The following FHIT variants were observed in gnomAD, a reference collection of about 807,000 sequenced individuals.
FHIT encodes bis(5'-adenosyl)-triphosphatase.
In FHIT, 19 loss-of-function variants were observed where a neutral mutation model predicts 17.9. The observed-to-expected ratio is 1.06, with a 90% CI of 0.74 to 1.56. The LOEUF (loss-of-function observed/expected upper bound fraction) is 1.56, where lower values mean the gene tolerates loss of function less well. Among genes scored for constraint, FHIT ranks in the 40% most tolerant of loss-of-function variants. The pLI is 0.00. For synonymous variants in FHIT, 81 were observed against 69.7 expected (o/e 1.16, Z -0.81); for missense variants, 248 against 189.2 (o/e 1.31, Z -1.82).
intron 5 of FHIT, among the ~76,000 whole-genome samples, chr3:60,030,626 A>G (rs570506518): frequency 2.6e-5 from 4 of 152,324 alleles, no homozygotes; most frequent in Admixed American, 2.6e-4. Flanking sequence ...ATGAGGGCAG[A>G]AATCAGGAAT....
chr3:60,267,605 T>C (rs1353712899), intron 5 of FHIT, among the ~76,000 whole-genome samples: 6 of 152,200 alleles, frequency 3.9e-5, no homozygotes, highest in Admixed American at 3.9e-4. Flanking sequence ...CACTATAAAA[T>C]CCCAGTCTGA....
At chr3:60,545,069 T>C (rs1490138373) in intron 4 of FHIT, among the ~76,000 whole-genome samples, 2 of 138,918 alleles carry the variant, frequency 1.4e-5, no homozygotes, top group Admixed American at 7.7e-5. Context: ...TTGACAATCA[T>C]TACAATTTAT....
intron 2 of FHIT, among the ~76,000 whole-genome samples, chr3:61,131,545 G>A (rs1211328781): frequency 2.6e-5 from 4 of 152,220 alleles, no homozygotes; most frequent in East Asian, 1.9e-4. Context: ...AGAGGACTGC[G>A]TGGATGGGCA....
At chr3:60,953,583 C>A (rs1553777870) in intron 3 of FHIT, among the ~76,000 whole-genome samples, 2 of 152,146 alleles carry the variant, frequency 1.3e-5, no homozygotes, top group East Asian at 1.9e-4. Context: ...CTCCTTTTAT[C>A]ACGTGGTCTA....
At chr3:60,703,889 G>T (rs1403442608) in intron 4 of FHIT, among the ~76,000 whole-genome samples, 1 of 152,010 alleles carries the variant, frequency 6.6e-6, no homozygotes, top group South Asian at 2.1e-4. Flanking sequence ...GGTATTAAAT[G>T]TTTTTATTTT....
At chr3:60,579,464 CATAAAA>C (rs1355020024) in intron 4 of FHIT, among the ~76,000 whole-genome samples, 3 of 152,038 alleles carry the variant, frequency 2.0e-5, no homozygotes, top group Non-Finnish European at 2.9e-5. Context: ...ATTTCTTGAT[CATAAAA>C]ATAAAGTGTA....
rs1699849873 is a variant in FHIT, at chr3:60,360,201, A to AAAAGAGTC, written c.103+176651_103+176658dup. 3.3e-5 allele frequency among the ~76,000 whole-genome samples: 5 copies of AAAAGAGTC among 152,158 alleles called. No homozygotes were observed. In the South Asian group the frequency reaches 1.0e-3, roughly 32 times the overall value. On this transcript the variant is annotated intron_variant, in intron 5 of 9. Transcript: ENST00000492590. ...ACAATTAATCAAACTATTAAACACT[A>AAAAGAGTC]AAAGAGTCAAAGGCTGAGTATGGGT... is the stretch of plus-strand genomic sequence containing the variant.
chr3:60,118,781 G>A (rs879486213), intron 5 of FHIT, among the ~76,000 whole-genome samples: 6 of 136,768 alleles, frequency 4.4e-5, no homozygotes, highest in East Asian at 2.7e-4. Flanking sequence ...CGGCGGGGGG[G>A]GGGGGGTGGT....
chr3:59,990,220 T>C lies in FHIT; in HGVS notation c.279+21151A>G, dbSNP rs3821483. Among the ~76,000 whole-genome samples, 31 of 152,154 alleles carry C rather than the reference T, an allele frequency of 2.0e-4. No individual in the cohort carries two copies. The East Asian group carries it at 4.5e-3, about 22-fold the overall frequency. On this transcript the variant is annotated intron_variant, in intron 7 of 9. Coordinates refer to ENST00000492590, the MANE Select transcript of FHIT (RefSeq NM_002012.4). ...ATCTCTGTAATCAGAAAAGAAACTA[T>C]GAAAATATCCCCAGTGAGATCTGTG...
intron 5 of FHIT, among the ~76,000 whole-genome samples, chr3:60,206,816 C>T (rs1703214433): frequency 6.6e-6 from 1 of 151,974 alleles, no homozygotes; most frequent in Admixed American, 6.5e-5. Context: ...AAAATCCCCA[C>T]ACCACGTACT....
intron 7 of FHIT, among the ~76,000 whole-genome samples, chr3:59,974,077 T>G (rs115938514): frequency 0.022 from 3,351 of 152,176 alleles, 62 homozygotes; most frequent in Admixed American, 0.039. Flanking sequence ...ACAACTGATA[T>G]GGACTGCCTC....
At chr3:59,947,363 C>A (rs1274201557) in intron 7 of FHIT, among the ~76,000 whole-genome samples, 1 of 151,860 alleles carries the variant, frequency 6.6e-6, no homozygotes, top group Non-Finnish European at 1.5e-5. Flanking sequence ...GGTAATGTCC[C>A]CTTTGTCATT....
intron 5 of FHIT, among the ~76,000 whole-genome samples, chr3:60,385,247 T>C (rs773403829): frequency 6.6e-6 from 1 of 152,216 alleles, no homozygotes; most frequent in Non-Finnish European, 1.5e-5. Flanking sequence ...CACCAGCTAA[T>C]GGGCTATGGT....
intron 5 of FHIT, among the ~76,000 whole-genome samples, chr3:60,469,460 G>C (rs536254047): frequency 1.3e-5 from 2 of 152,142 alleles, no homozygotes; most frequent in African/African-American, 4.8e-5. Context: ...TTCTTCAGTA[G>C]GCCAGCTGCA....
intron 5 of FHIT, among the ~76,000 whole-genome samples, chr3:60,521,428 T>C (rs2035359523): frequency 6.6e-6 from 1 of 152,038 alleles, no homozygotes. Flanking sequence ...TTTGTATTTT[T>C]AGTAGAGACG....
intron 8 of FHIT, among the ~76,000 whole-genome samples, chr3:59,875,808 T>C (rs1703127626): frequency 6.6e-6 from 1 of 152,128 alleles, no homozygotes; most frequent in South Asian, 2.1e-4. Context: ...GTGACATGGA[T>C]TCATATATCA....
At chr3:59,854,338 C>G (rs1302131727) in intron 8 of FHIT, among the ~76,000 whole-genome samples, 2 of 152,156 alleles carry the variant, frequency 1.3e-5, no homozygotes, top group Middle Eastern at 3.2e-3. Flanking sequence ...ACAAATACGT[C>G]TGATAAATAA....
At chr3:60,009,808 A>T (rs1425957311) in intron 7 of FHIT, among the ~76,000 whole-genome samples, 1 of 152,312 alleles carries the variant, frequency 6.6e-6, no homozygotes, top group South Asian at 2.1e-4. Flanking sequence ...TCCTTGTCCC[A>T]GTCCCTGGCA....
chr3:60,062,725 C>A (rs1470613070), intron 5 of FHIT, among the ~76,000 whole-genome samples: 1 of 152,068 alleles, frequency 6.6e-6, no homozygotes, highest in Non-Finnish European at 1.5e-5. Context: ...AGGGAGATGA[C>A]CTAACATGAA....
Sources: allele counts gnomAD v4.1 joint callset (sites outside exome capture counted in the v4.1 genomes callset), GRCh38; gene constraint gnomAD v4.1.1; transcripts MANE v1.5; gene names NCBI Gene and HGNC (gene_info 2026-07-23, HGNC 2026-07-21).